The following ARHGEF38 variants were observed in gnomAD, a reference collection of about 807,000 sequenced individuals.
The protein encoded by ARHGEF38 is Rho guanine nucleotide exchange factor (GEF) 38.
Under a neutral mutation model 79.9 loss-of-function variants are expected in ARHGEF38, and 79 were observed. The observed-to-expected ratio is 0.99, with a 90% CI of 0.82 to 1.19. ARHGEF38 has a LOEUF of 1.19. ARHGEF38 is among the 50% of genes most tolerant of loss of function. The pLI is 0.00. For synonymous variants in ARHGEF38, 366 were observed against 328.3 expected (o/e 1.11, Z -1.24); for missense variants, 962 against 907.2 (o/e 1.06, Z -0.78).
chr4:105,606,032 A>G (rs1433677759), intron 2 of ARHGEF38, among the ~76,000 whole-genome samples: 2 of 152,142 alleles, frequency 1.3e-5, no homozygotes, highest in Admixed American at 6.6e-5. Context: ...AATCTAATTT[A>G]GAGGATGCAT....
chr4:105,634,819 C>T (rs568700493), intron 4 of ARHGEF38, among the ~76,000 whole-genome samples: 3 of 152,234 alleles, frequency 2.0e-5, no homozygotes, highest in East Asian at 3.9e-4. Flanking sequence ...CCATCATCCC[C>T]AGGAGGAAAA....
At chr4:105,642,266 T>A (rs906001561) in intron 5 of ARHGEF38, among the ~76,000 whole-genome samples, 2 of 152,180 alleles carry the variant, frequency 1.3e-5, no homozygotes, top group Admixed American at 1.3e-4. Context: ...ATATCATTGC[T>A]CATCACTTGG....
At chr4:105,560,096 A>G (rs1050639573) in intron 1 of ARHGEF38, among the ~76,000 whole-genome samples, 13 of 152,202 alleles carry the variant, frequency 8.5e-5, no homozygotes, top group African/African-American at 2.9e-4. Flanking sequence ...GTTGCAGCAC[A>G]TGTTTTGTAA....
intron 7 of ARHGEF38, among the ~76,000 whole-genome samples, chr4:105,650,125 C>T (rs192075301): frequency 6.6e-6 from 1 of 152,138 alleles, no homozygotes; most frequent in Non-Finnish European, 1.5e-5. Flanking sequence ...TATATCATCA[C>T]CTTGTATGGT....
chr4:105,599,544 C>CT (rs947641561), intron 2 of ARHGEF38, among the ~76,000 whole-genome samples: 5 of 151,946 alleles, frequency 3.3e-5, no homozygotes, highest in Admixed American at 1.3e-4. Context: ...TTTTAATTTG[C>CT]TTTTTTTTGT....
chr4:105,564,672 A>T (rs746184956), intron 1 of ARHGEF38, among the ~76,000 whole-genome samples: 3 of 152,238 alleles, frequency 2.0e-5, no homozygotes, highest in Non-Finnish European at 2.9e-5. Flanking sequence ...ATGATAAAAA[A>T]GTTTGGCGGC....
chr4:105,613,004 A>G (rs1488341084), intron 2 of ARHGEF38, among the ~76,000 whole-genome samples: 1 of 152,106 alleles, frequency 6.6e-6, no homozygotes, highest in Non-Finnish European at 1.5e-5. Context: ...GAAAATCGTT[A>G]CTTGCCTCGG....
At chr4:105,604,117 A>G (rs1727939697) in intron 2 of ARHGEF38, among the ~76,000 whole-genome samples, 1 of 152,170 alleles carries the variant, frequency 6.6e-6, no homozygotes, top group Non-Finnish European at 1.5e-5. Flanking sequence ...GGCAAAGCAG[A>G]AAAGAGGTGC....
intron 9 of ARHGEF38, among the ~76,000 whole-genome samples, chr4:105,657,425 A>T (rs1235852749): frequency 6.6e-6 from 1 of 152,174 alleles, no homozygotes; most frequent in South Asian, 2.1e-4. Flanking sequence ...TTAAAAATCA[A>T]ATATTAAGAA....
chr4:105,667,414 G>A (rs1182096310), intron 12 of ARHGEF38, 30 bp from the exon 13 acceptor site: 3 of 1,534,412 alleles, frequency 2.0e-6, no homozygotes, highest in South Asian at 2.4e-5. Context: ...CCATGAACTT[G>A]GTTCTTCTTT....
At chr4:105,553,359 T>C (rs1250768475) in intron 1 of ARHGEF38, among the ~76,000 whole-genome samples, 1 of 152,152 alleles carries the variant, frequency 6.6e-6, no homozygotes, top group Non-Finnish European at 1.5e-5. Context: ...TATTACACCA[T>C]GAGATATATC....
intron 1 of ARHGEF38, among the ~76,000 whole-genome samples, chr4:105,576,840 T>C (rs1726526413): frequency 2.0e-5 from 3 of 152,212 alleles, no homozygotes; most frequent in African/African-American, 7.2e-5. Context: ...CTGAATTTTA[T>C]TGAGTGCTTT....
At chr4:105,569,888 TTTTCTC>T (rs1411162433) in intron 1 of ARHGEF38, 4 of 152,260 alleles carry the variant, frequency 2.6e-5, no homozygotes, top group Non-Finnish European at 5.9e-5. Context: ...CTATTATTCT[TTTTCTC>T]TTTCTACAGT....
rs190401589 is a variant in ARHGEF38 at position 105,672,579 on chromosome 4, C to T, written c.2148+4876C>T. Among the ~76,000 whole-genome samples, 16 of 152,316 alleles carry T rather than the reference C, an allele frequency of 1.1e-4. No homozygotes were observed. In the East Asian group the frequency reaches 3.1e-3, roughly 29 times the overall value. On this transcript the variant is annotated intron_variant, in intron 13 of 13. Transcript: ENST00000420470. ...TTGTCCATCAAATAGTAATGGCATG[C>T]TCTGCATTAGTGTTCCATGCTGCAT...
chr4:105,567,925 TC>T (rs1310118997), intron 1 of ARHGEF38, among the ~76,000 whole-genome samples: 61 of 71,840 alleles, frequency 8.5e-4, no homozygotes, highest in African/African-American at 2.7e-3. Context: ...GTGCTATCCC[TC>T]CCCCCCTCCC....
intron 3 of ARHGEF38, among the ~76,000 whole-genome samples, chr4:105,624,434 A>T (rs573224121): frequency 6.6e-6 from 1 of 152,302 alleles, no homozygotes; most frequent in African/African-American, 2.4e-5. Flanking sequence ...ATGGATACTC[A>T]AGGGATACAC....
chr4:105,585,460 T>C (rs925806251), intron 1 of ARHGEF38, among the ~76,000 whole-genome samples: 2 of 149,454 alleles, frequency 1.3e-5, no homozygotes, highest in African/African-American at 2.4e-5. Context: ...TCCACATATA[T>C]TATTAATGAA....
chr4:105,654,514 T>A (rs1730243164), intron 8 of ARHGEF38, among the ~76,000 whole-genome samples: 1 of 152,190 alleles, frequency 6.6e-6, no homozygotes, highest in South Asian at 2.1e-4. Flanking sequence ...TTGTTTGTAC[T>A]AACACATCTC....
In ARHGEF38 at chr4:105,659,046, T is replaced by C. The variant is rs1451149881; in HGVS notation, c.1234-8T>C. On this transcript the variant is annotated splice_region_variant and splice_polypyrimidine_tract_variant and intron_variant, in intron 9 of 13. Transcript: ENST00000420470. ...TCTCTGAAATGGGCTCATTTTTTCT[T>C]TTGGCAGGCATCTCACTTACAGAGA... 2 of 1,525,482 alleles carry C rather than the reference T, an allele frequency of 1.3e-6. No individual in the cohort carries two copies. The highest frequency in any genetic ancestry group is 2.0e-5 in the Admixed American group (1 of 50,040). 94.5% of individuals were successfully genotyped at this position (1,525,482 alleles called of 1,614,324 possible).
Sources: gnomAD v4.1 joint callset for allele counts (sites outside exome capture counted in the v4.1 genomes callset) on GRCh38, gnomAD v4.1.1 for gene constraint, MANE v1.5 for transcripts, NCBI Gene and HGNC (gene_info 2026-07-23, HGNC 2026-07-21) for gene names.